Variants in DOCK1 observed in about 807,000 individuals in gnomAD.
DOCK1 encodes the protein dedicator of cytokinesis protein 1.
DOCK1 carries 138 observed loss-of-function variants against 262.7 expected under a neutral mutation model. That is an observed-to-expected ratio of 0.53 (90% CI 0.46 to 0.61). DOCK1 has a LOEUF of 0.61. Ranked by LOEUF, DOCK1 falls within the 20% of genes least tolerant of loss-of-function variation. DOCK1 has a pLI of 0.00. For missense variants in DOCK1, 1,908 were observed against 2,370.7 expected (o/e 0.80, Z 4.05); for synonymous variants, 866 against 867.4 (o/e 1.00, Z 0.03).
Position 127,128,066 on chromosome 10 carries a change from A to G in DOCK1, c.2847+302A>G, listed in dbSNP as rs1361262459. 3 of 185,522 alleles carry G rather than the reference A, an allele frequency of 1.6e-5. No homozygotes were observed. The South Asian group carries it at 5.7e-4, about 35-fold the overall frequency. 11.5% of individuals were successfully genotyped at this position (185,522 alleles called of 1,614,324 possible). A position where few individuals can be genotyped will look rare whatever the true frequency, so the allele number is the denominator to read the frequency against. ...CCATAGTGTTTACACTTAAGGTGCC[A>G]TTAATAAAATTTTATGAAGGACCCT... On this transcript the variant is annotated intron_variant, in intron 27 of 51. Transcript: ENST00000623213.
chr10:127,047,402 A>T (rs1207062311), intron 21 of DOCK1, among the ~76,000 whole-genome samples: 1 of 152,230 alleles, frequency 6.6e-6, no homozygotes, highest in Non-Finnish European at 1.5e-5. Context: ...CATATTGGAG[A>T]TATCTACTGT....
Position 126,989,236 on chromosome 10 carries a change from C to T in DOCK1, c.325-1219C>T, listed in dbSNP as rs115097980. 8.2e-3 allele frequency among the ~76,000 whole-genome samples: 1,253 copies of T among 152,096 alleles called. 22 individuals carry two copies. Among genetic ancestry groups the T allele is most frequent in the African/African-American group, 0.029 (1,187 of 41,492 alleles). ...GTTAAATACCAGAGTGAGCTCAGTA[C>T]GTGGTTTAGATATGTAGAGGGGGAG... On this transcript the variant is annotated intron_variant, in intron 5 of 51. Transcript: ENST00000623213.
intron 29 of DOCK1, among the ~76,000 whole-genome samples, chr10:127,310,326 A>G (rs1307782398): frequency 1.6e-5 from 2 of 126,016 alleles, no homozygotes; most frequent in South Asian, 2.8e-4. Context: ...CAGCCGAGCC[A>G]TCATTAAGCA....
chr10:127,012,630 A>G lies in DOCK1; in HGVS notation c.1201+256A>G, dbSNP rs1420493139. Among the ~76,000 whole-genome samples the G allele has an allele frequency of 6.6e-6, 1 of 152,080 alleles. No homozygotes were observed. The highest frequency in any genetic ancestry group is 1.5e-5 in the Non-Finnish European group (1 of 68,020). On this transcript the variant is annotated intron_variant, in intron 12 of 51. Coordinates refer to ENST00000623213, the MANE Select transcript of DOCK1 (RefSeq NM_001290223.2). This position sits in a 1 kb window ranked among gnomAD's most constrained non-coding sequence, Gnocchi z 4.0. ...TGGGGTCAGATTAGAAGTTTAGAGG[A>G]ACATGCAGGCGGTAGGCGTAACTCC...
intron 30 of DOCK1, among the ~76,000 whole-genome samples, chr10:127,339,385 G>A (rs2063327688): frequency 6.6e-6 from 1 of 152,144 alleles, no homozygotes; most frequent in Non-Finnish European, 1.5e-5. Context: ...GTGTGTATCT[G>A]CCAAGATTGT....
chr10:127,100,634 C>T lies in DOCK1; in HGVS notation c.2446-5597C>T, dbSNP rs2136179952. Among the ~76,000 whole-genome samples, 1 of 152,150 alleles carries T rather than the reference C, an allele frequency of 6.6e-6. No individual in the cohort carries two copies. Among genetic ancestry groups the T allele is most frequent in the South Asian group, 2.1e-4 (1 of 4,808 alleles). ...GGATATGTGGAGGGACCCCGAGGAA[C>T]CCACAGGCAAGGGGCTGGGGGAGCA... On this transcript the variant is annotated intron_variant, in intron 23 of 51. Coordinates refer to ENST00000623213, the MANE Select transcript of DOCK1 (RefSeq NM_001290223.2). The surrounding 1 kb of genome is among the most constrained non-coding windows in gnomAD (Gnocchi z 5.5).
chr10:127,371,812 G>A (rs949360379), intron 33 of DOCK1, among the ~76,000 whole-genome samples: 2 of 152,156 alleles, frequency 1.3e-5, no homozygotes, highest in African/African-American at 4.8e-5. Flanking sequence ...ACTACCAAGC[G>A]ATCTCCCTTG....
At chr10:127,281,669 T>C (rs966292853) in intron 29 of DOCK1, among the ~76,000 whole-genome samples, 1 of 152,132 alleles carries the variant, frequency 6.6e-6, no homozygotes, top group Non-Finnish European at 1.5e-5. Context: ...CCCAGGGGCT[T>C]GTGGCAGTCA....
chr10:126,910,201 A>G (rs1380170343), intron 1 of DOCK1, among the ~76,000 whole-genome samples: 1 of 152,260 alleles, frequency 6.6e-6, no homozygotes, highest in East Asian at 1.9e-4. Context: ...ATCAGGGCAT[A>G]TTATATTTCT....
intron 1 of DOCK1, among the ~76,000 whole-genome samples, chr10:126,941,664 A>G (rs2035011134): frequency 6.6e-6 from 1 of 152,108 alleles, no homozygotes; most frequent in Non-Finnish European, 1.5e-5. Context: ...CTGAGGCAGG[A>G]GAATGGCGTG....
At chr10:127,295,924 A>G (rs923572357) in intron 29 of DOCK1, among the ~76,000 whole-genome samples, 2 of 152,204 alleles carry the variant, frequency 1.3e-5, no homozygotes, top group African/African-American at 4.8e-5. Context: ...AATCTCCTCT[A>G]TTGGATACTG....
chr10:127,334,968 G>A (rs540948886), intron 29 of DOCK1, among the ~76,000 whole-genome samples: 1 of 152,214 alleles, frequency 6.6e-6, no homozygotes, highest in South Asian at 2.1e-4. Flanking sequence ...TTTCTGCAAG[G>A]ACTCAGGGAG....
At chr10:126,982,532 A>G (rs1488490960) in intron 4 of DOCK1, among the ~76,000 whole-genome samples, 1 of 152,234 alleles carries the variant, frequency 6.6e-6, no homozygotes, top group Admixed American at 6.5e-5. Context: ...GTGAACTTGG[A>G]AGAAGGAACA....
At chr10:127,255,225 T>A (rs2059789914) in intron 28 of DOCK1, among the ~76,000 whole-genome samples, 1 of 151,886 alleles carries the variant, frequency 6.6e-6, no homozygotes, top group Admixed American at 6.6e-5. Flanking sequence ...TATAGCAAGA[T>A]GCCATTTCTA....
At chr10:126,949,074 G>T (rs916439009) in intron 1 of DOCK1, among the ~76,000 whole-genome samples, 16 of 152,134 alleles carry the variant, frequency 1.1e-4, no homozygotes, top group African/African-American at 3.6e-4. Flanking sequence ...CCCTTTCTGG[G>T]AGTGGTGCAC....
chr10:127,066,304 G>A (rs2045869646), intron 23 of DOCK1, among the ~76,000 whole-genome samples: 1 of 152,140 alleles, frequency 6.6e-6, no homozygotes, highest in South Asian at 2.1e-4. Context: ...GTGGTTTCAT[G>A]AACCACTGGG....
intron 40 of DOCK1, 45 bp from the exon 41 acceptor site, chr10:127,408,992 G>A: frequency 4.5e-6 from 7 of 1,547,804 alleles, no homozygotes; most frequent in Non-Finnish European, 6.1e-6. Context: ...AACTCTTCCT[G>A]GCCCTTTCTC....
At chr10:127,386,740 A>C (rs1202399720) in intron 38 of DOCK1, among the ~76,000 whole-genome samples, 1 of 152,138 alleles carries the variant, frequency 6.6e-6, no homozygotes, top group East Asian at 1.9e-4. Context: ...CGATCAATGT[A>C]ATGCCCGTGA....
intron 27 of DOCK1, among the ~76,000 whole-genome samples, chr10:127,228,393 G>T (rs1014945922): frequency 6.6e-6 from 1 of 152,136 alleles, no homozygotes. Context: ...TCATCTGCTG[G>T]GTGGTGACCA....
Sources: allele counts gnomAD v4.1 joint callset (sites outside exome capture counted in the v4.1 genomes callset), GRCh38; gene constraint gnomAD v4.1.1; non-coding constraint Gnocchi (gnomAD v3.1); transcripts MANE v1.5; gene names NCBI Gene and HGNC (gene_info 2026-07-23, HGNC 2026-07-21).